Variants in RBFOX1 observed in about 807,000 individuals in gnomAD.
RBFOX1 encodes the protein RNA binding protein fox-1 homolog 1.
A neutral mutation model predicts 57.7 loss-of-function variants in RBFOX1; 8 were observed. The observed-to-expected ratio is 0.14, with a 90% CI of 0.08 to 0.25. The LOEUF (loss-of-function observed/expected upper bound fraction) is 0.25, where lower values mean the gene tolerates loss of function less well. Among genes scored for constraint, RBFOX1 ranks in the 10% least tolerant of loss-of-function variants. The pLI, the probability that RBFOX1 is intolerant of heterozygous loss-of-function variation, is 1.00. For missense variants in RBFOX1, 611 were observed against 548.5 expected (o/e 1.11, Z -1.14); for synonymous variants, 326 against 222.4 (o/e 1.47, Z -4.15).
At chr16:6,146,720 T>TATC (rs2152713686) in intron 1 of RBFOX1, among the ~76,000 whole-genome samples, 1 of 152,348 alleles carries the variant, frequency 6.6e-6, no homozygotes, top group East Asian at 1.9e-4. Context: ...TTGAAAGTGA[T>TATC]ATCATCATCT....
intron 4 of RBFOX1, among the ~76,000 whole-genome samples, chr16:7,297,891 G>A (rs2095933108): frequency 2.0e-5 from 3 of 151,778 alleles, no homozygotes; most frequent in Admixed American, 2.0e-4. Context: ...TTGTTTCCGG[G>A]CCCTTTTGTA....
At chr16:5,735,133 C>G (rs9937894) in intron 3 of RBFOX1, among the ~76,000 whole-genome samples, 81,492 of 152,054 alleles carry the variant, frequency 0.54, 22,345 homozygotes, top group African/African-American at 0.63. Flanking sequence ...TGTGCCTGAA[C>G]TGTCTGTGGT....
At chr16:5,491,824 A>G (rs7187252) in intron 2 of RBFOX1, among the ~76,000 whole-genome samples, 7,276 of 152,296 alleles carry the variant, frequency 0.048, 600 homozygotes, top group African/African-American at 0.16. Flanking sequence ...GCTGCACATT[A>G]GAATTACCCA....
intron 3 of RBFOX1, among the ~76,000 whole-genome samples, chr16:5,632,782 A>C (rs559246697): frequency 9.9e-5 from 15 of 152,260 alleles, no homozygotes; most frequent in Admixed American, 9.2e-4. Context: ...GTCATGAATG[A>C]GCCTTCCTTC....
intron 1 of RBFOX1, among the ~76,000 whole-genome samples, chr16:6,180,777 G>T (rs2097056990): frequency 6.6e-6 from 1 of 152,106 alleles, no homozygotes; most frequent in Non-Finnish European, 1.5e-5. Context: ...GGTTGGCCAG[G>T]CTGGTCTCGA....
chr16:6,545,295 C>T (rs2096879635), intron 2 of RBFOX1, among the ~76,000 whole-genome samples: 2 of 152,150 alleles, frequency 1.3e-5, no homozygotes, highest in African/African-American at 4.8e-5. Context: ...ATCTTTTCCC[C>T]CTCCTGGCCT....
intron 4 of RBFOX1, among the ~76,000 whole-genome samples, chr16:7,272,348 C>T (rs541303636): frequency 6.6e-6 from 1 of 152,046 alleles, no homozygotes; most frequent in Non-Finnish European, 1.5e-5. Context: ...CTACACCCAG[C>T]TAGTTTTTGT....
At chr16:6,103,059 A>G (rs191430324) in intron 1 of RBFOX1, among the ~76,000 whole-genome samples, 17 of 152,320 alleles carry the variant, frequency 1.1e-4, no homozygotes, top group African/African-American at 3.8e-4. Flanking sequence ...GATTTAAAAT[A>G]TAGATCGAAG....
chr16:7,239,623 G>A (rs1474635720), intron 4 of RBFOX1, among the ~76,000 whole-genome samples: 1 of 152,142 alleles, frequency 6.6e-6, no homozygotes, highest in African/African-American at 2.4e-5. Flanking sequence ...GAGCTTCTCT[G>A]AGGCTTTATT....
chr16:5,981,149 A>C (rs987121779), intron 4 of RBFOX1, among the ~76,000 whole-genome samples: 2 of 152,212 alleles, frequency 1.3e-5, no homozygotes, highest in East Asian at 3.9e-4. Flanking sequence ...ATTAAGTAAA[A>C]GACATTGGGT....
chr16:6,069,489 C>G (rs1412986840), intron 1 of RBFOX1, among the ~76,000 whole-genome samples: 1 of 151,754 alleles, frequency 6.6e-6, no homozygotes, highest in Non-Finnish European at 1.5e-5. Context: ...CCTGCCTTCC[C>G]CATGTCATGC....
intron 2 of RBFOX1, among the ~76,000 whole-genome samples, chr16:5,543,935 T>C (rs1361558061): frequency 6.6e-6 from 1 of 152,108 alleles, no homozygotes; most frequent in Non-Finnish European, 1.5e-5. Context: ...AGTCCAAACC[T>C]GAAATAACTG....
Position 6,434,399 on chromosome 16 carries a change from G to A in RBFOX1, c.-64+117342G>A, listed in dbSNP as rs557755313. ...GCTTCCTCTTCTCGATGGCCATGAA[G>A]GCTCCTCAGCCTTCCTGCAAATAGG... is the stretch of plus-strand genomic sequence containing the variant. On this transcript the variant is annotated intron_variant, in intron 2 of 15. Coordinates refer to ENST00000550418, the MANE Select transcript of RBFOX1 (RefSeq NM_018723.4). 7.8e-4 allele frequency among the ~76,000 whole-genome samples: 118 copies of A among 152,030 alleles called. 1 individual carries two copies. Among genetic ancestry groups the A allele is most frequent in the Non-Finnish European group, 1.4e-3 (97 of 67,998 alleles).
chr16:7,330,404 T>TC (rs2096669718), intron 4 of RBFOX1, among the ~76,000 whole-genome samples: 1 of 148,388 alleles, frequency 6.7e-6, no homozygotes, highest in African/African-American at 2.5e-5. Context: ...TTTTTTTTTT[T>TC]TTTTCTGTTT....
At chr16:7,028,502 G>A (rs995328051) in intron 3 of RBFOX1, among the ~76,000 whole-genome samples, 4 of 146,906 alleles carry the variant, frequency 2.7e-5, no homozygotes, top group South Asian at 2.2e-4. Context: ...CAGGAGAATC[G>A]CTTGAACCCG....
chr16:6,370,111 C>A (rs1356652802), intron 2 of RBFOX1, among the ~76,000 whole-genome samples: 2 of 152,050 alleles, frequency 1.3e-5, no homozygotes, highest in Non-Finnish European at 2.9e-5. Context: ...GTAATCCCAG[C>A]ACTTTGGGAG....
At chr16:6,326,334 A>C (rs1183080055) in intron 2 of RBFOX1, among the ~76,000 whole-genome samples, 1 of 152,200 alleles carries the variant, frequency 6.6e-6, no homozygotes, top group East Asian at 1.9e-4. Context: ...TAACATTGGA[A>C]GATAAAACTT....
At chr16:6,805,936 A>G (rs6500840) in intron 3 of RBFOX1, among the ~76,000 whole-genome samples, 78,716 of 152,010 alleles carry the variant, frequency 0.52, 20,737 homozygotes, top group Non-Finnish European at 0.55. Flanking sequence ...TTAGTTCTAA[A>G]CCATAGAATT....
intron 4 of RBFOX1, among the ~76,000 whole-genome samples, chr16:7,185,668 C>A (rs1032640445): frequency 2.6e-5 from 4 of 152,154 alleles, no homozygotes; most frequent in African/African-American, 9.7e-5. Flanking sequence ...CGGAGATAGG[C>A]CTAGTTATGC....
Sources: gnomAD v4.1 joint callset for allele counts (sites outside exome capture counted in the v4.1 genomes callset) on GRCh38, gnomAD v4.1.1 for gene constraint, MANE v1.5 for transcripts, NCBI Gene and HGNC (gene_info 2026-07-23, HGNC 2026-07-21) for gene names.